The following RHAG variants were observed in gnomAD, a reference collection of about 807,000 sequenced individuals.
RHAG encodes the protein ammonium transporter Rh type A.
A neutral mutation model predicts 42.4 loss-of-function variants in RHAG; 25 were observed. The observed-to-expected ratio is 0.59, with a 90% CI of 0.43 to 0.82. The LOEUF (loss-of-function observed/expected upper bound fraction) is 0.82, where lower values mean the gene tolerates loss of function less well. RHAG is among the 40% of genes least tolerant of loss of function. RHAG has a pLI of 0.00. For synonymous variants in RHAG, 182 were observed against 177.7 expected (o/e 1.02, Z -0.19); for missense variants, 483 against 504.6 (o/e 0.96, Z 0.41).
At chr6:49,634,958 G>A (rs1762986829) in intron 1 of RHAG, among the ~76,000 whole-genome samples, 1 of 137,408 alleles carries the variant, frequency 7.3e-6, no homozygotes, top group South Asian at 2.6e-4. Context: ...GTGTACACCT[G>A]TGTGTGTGTG....
intron 7 of RHAG, among the ~76,000 whole-genome samples, chr6:49,610,010 G>T (rs998945530): frequency 6.6e-6 from 1 of 152,074 alleles, no homozygotes; most frequent in Admixed American, 6.6e-5. Flanking sequence ...ATAAGTGGGA[G>T]TTGAACAGTG....
In RHAG at chr6:49,606,865, C is replaced by A; in HGVS notation, c.1195G>T (p.Asp399Tyr). 3.7e-6 allele frequency: 6 copies of A among 1,608,326 alleles called. No individual in the cohort carries two copies. Among genetic ancestry groups the A allele is most frequent in the Non-Finnish European group, 5.1e-6 (6 of 1,174,874 alleles). ...TACAGTACCTTCCAATAAACAGAATCATCATAGCAGTTCTGGTCAGATGGC... is the reference window on the plus strand; with the variant it reads ...TACAGTACCTTCCAATAAACAGAATAATCATAGCAGTTCTGGTCAGATGGC... ...GQPSDQNCYD[D>Y]SVYWKVPKTR Residue 399 changes from aspartate (D) to tyrosine (Y), a missense_variant, in exon 9 of 10, where the codon GAT (aspartate) becomes TAT (tyrosine). By Grantham distance (160) the Asp-to-Tyr change is radical. Coordinates refer to ENST00000371175, the MANE Select transcript of RHAG (RefSeq NM_000324.3).
chr6:49,615,330 T>C (rs1382524657), intron 4 of RHAG: 1 of 285,552 alleles, frequency 3.5e-6, no homozygotes, highest in African/African-American at 2.2e-5. Context: ...AAGAGGAGAA[T>C]TGAGCCAGCA....
At position 49,605,188 on chromosome 6, in the gene RHAG, CAA is replaced by C. The variant is rs1427282073; in HGVS notation, c.*623_*624del. 1 of 154,508 alleles carries C rather than the reference CAA, an allele frequency of 6.5e-6. No individual in the cohort carries two copies. The highest frequency in any genetic ancestry group is 6.3e-5 in the Admixed American group (1 of 15,804). The allele number at this position is 154,508 out of a possible 1,614,324, so 9.6% of individuals were successfully genotyped here. A position where few individuals can be genotyped will look rare whatever the true frequency, so the allele number is the denominator to read the frequency against. On this transcript the variant is annotated 3_prime_UTR_variant, in exon 10 of 10. Coordinates refer to ENST00000371175, the MANE Select transcript of RHAG (RefSeq NM_000324.3). ...CAAAGACTGATGTTTTATTTTATAA[CAA>C]TATTTAATTATTGGACATTTTATGC...
At chr6:49,636,580 T>C (rs1763012635) in intron 1 of RHAG, 76 bp downstream of exon 1, 3 of 1,400,752 alleles carry the variant, frequency 2.1e-6, no homozygotes, top group Non-Finnish European at 3.0e-6. Context: ...CAAGGGTTTA[T>C]AGTATTCAAT....
intron 2 of RHAG, 65 bp downstream of exon 2, chr6:49,619,114 G>A: frequency 6.5e-7 from 1 of 1,543,466 alleles, no homozygotes; most frequent in South Asian, 1.1e-5. Context: ...TCATGTTGGA[G>A]GTTAAGAGTG....
Position 49,606,931 on chromosome 6 carries a change from T to G in RHAG, c.1139-10A>C. On this transcript the variant is annotated splice_polypyrimidine_tract_variant and intron_variant, in intron 8 of 9. Transcript: ENST00000371175. ...AACTTTAGAATTAAACCTGTGACGG[T>G]AGAGGGAAAATGAGTCATGTTGTGA... 6.3e-7 allele frequency: 1 copy of G among 1,599,744 alleles called. No individual in the cohort carries two copies. The highest frequency in any genetic ancestry group is 1.3e-5 in the African/African-American group (1 of 74,716).
In RHAG at chr6:49,619,189, C is replaced by T. The variant is rs1581943555; in HGVS notation, c.331G>A (p.Gly111Arg). ...AGTAAGGATGCTCACTTTTTGATTC[C>T]AATGTTAAATTTCTGTCCCTGGCTT... ...LQSQGQKFNI[G>R]IKNMINADFS... Residue 111 changes from glycine to arginine, a missense_variant, in exon 2 of 10, where the codon GGA (glycine) becomes AGA (arginine). Gly to Arg is a moderately radical substitution (Grantham distance 125). Transcript: ENST00000371175. 6.2e-7 allele frequency: 1 copy of T among 1,613,894 alleles called. No individual in the cohort carries two copies. The highest frequency in any genetic ancestry group is 1.1e-5 in the South Asian group (1 of 91,056).
intron 1 of RHAG, among the ~76,000 whole-genome samples, chr6:49,635,125 C>A (rs936010641): frequency 2.6e-5 from 4 of 151,074 alleles, no homozygotes; most frequent in African/African-American, 9.8e-5. Flanking sequence ...AAAAATTATA[C>A]ATCTATAGCT....
intron 1 of RHAG, among the ~76,000 whole-genome samples, chr6:49,620,782 C>T (rs1454653278): frequency 6.6e-6 from 1 of 152,144 alleles, no homozygotes; most frequent in Non-Finnish European, 1.5e-5. Context: ...CTGCCCACCT[C>T]GGCCTCCCAA....
At chr6:49,631,214 TGTAA>T (rs1294122936) in intron 1 of RHAG, among the ~76,000 whole-genome samples, 1 of 152,198 alleles carries the variant, frequency 6.6e-6, no homozygotes, top group East Asian at 1.9e-4. Context: ...ACTTTGACCC[TGTAA>T]GTATCAAGTA....
intron 1 of RHAG, among the ~76,000 whole-genome samples, chr6:49,627,258 G>A (rs1762857679): frequency 6.6e-6 from 1 of 152,142 alleles, no homozygotes; most frequent in East Asian, 1.9e-4. Flanking sequence ...CCTCTCGAAT[G>A]CTTTGCTGCT....
intron 3 of RHAG, among the ~76,000 whole-genome samples, chr6:49,616,354 CAAAAAA>C (rs34416373): frequency 5.5e-5 from 6 of 108,798 alleles, no homozygotes; most frequent in East Asian, 2.9e-4. Flanking sequence ...AATCTCAAAC[CAAAAAA>C]AAAAAAAAAA....
At chr6:49,606,795 C>T in intron 9 of RHAG, 53 bp downstream of exon 9, 1 of 1,221,990 alleles carries the variant, frequency 8.2e-7, no homozygotes, top group Non-Finnish European at 1.2e-6. Context: ...GTGTGTAAAG[C>T]TTTCACTAAT....
chr6:49,614,493 C>T (rs943766280), intron 5 of RHAG, among the ~76,000 whole-genome samples, 194 bp downstream of exon 5: 7 of 152,168 alleles, frequency 4.6e-5, no homozygotes, highest in Non-Finnish European at 7.4e-5. Context: ...TTAGCCACTG[C>T]GCCCAGCCCA....
intron 1 of RHAG, among the ~76,000 whole-genome samples, chr6:49,628,560 C>T (rs1213543969): frequency 1.3e-5 from 2 of 151,634 alleles, no homozygotes; most frequent in African/African-American, 2.4e-5. Flanking sequence ...GGAGTTTCTT[C>T]CTTCTGGTGG....
At chr6:49,612,856 G>GT (rs1170543961) in intron 5 of RHAG, among the ~76,000 whole-genome samples, 1 of 152,168 alleles carries the variant, frequency 6.6e-6, no homozygotes, top group East Asian at 1.9e-4. Flanking sequence ...TTCTCGCAAT[G>GT]TTTTTTCTAT....
chr6:49,608,132 T>C (rs1360751130), intron 7 of RHAG, among the ~76,000 whole-genome samples: 1 of 152,186 alleles, frequency 6.6e-6, no homozygotes, highest in African/African-American at 2.4e-5. Flanking sequence ...AATAAAAACA[T>C]GTATTTTTAT....
intron 1 of RHAG, among the ~76,000 whole-genome samples, chr6:49,634,763 G>A (rs920728067): frequency 1.1e-4 from 16 of 152,046 alleles, no homozygotes; most frequent in African/African-American, 3.9e-4. Context: ...TACAAGTAGT[G>A]TAGAAGAGCG....
Sources: allele counts gnomAD v4.1 joint callset (sites outside exome capture counted in the v4.1 genomes callset), GRCh38; gene constraint gnomAD v4.1.1; transcripts MANE v1.5; gene names NCBI Gene and HGNC (gene_info 2026-07-23, HGNC 2026-07-21).